ZNF423: variants seen among roughly 807,000 people sequenced by gnomAD.
ZNF423 encodes zinc finger protein 423, also known as Ebf-associated zinc finger protein.
A neutral mutation model predicts 95.8 loss-of-function variants in ZNF423; 12 were observed. The observed-to-expected ratio is 0.13, with a 90% CI of 0.08 to 0.20. The LOEUF (loss-of-function observed/expected upper bound fraction) is 0.20, where lower values mean the gene tolerates loss of function less well. Ranked by LOEUF, ZNF423 falls within the 10% of genes least tolerant of loss-of-function variation. The pLI is 1.00. For missense variants in ZNF423, 1,316 were observed against 1,737.1 expected, an observed-to-expected ratio of 0.76 and a Z score of 4.31; for synonymous variants, 749 against 711.9, an observed-to-expected ratio of 1.05 and a Z score of -0.83.
At chr16:49,780,778 C>A (rs2034199225) in intron 2 of ZNF423, among the ~76,000 whole-genome samples, 1 of 152,222 alleles carries the variant, frequency 6.6e-6, no homozygotes, top group African/African-American at 2.4e-5. Context: ...CCACAGGCTC[C>A]CCAGCCGAGC....
intron 2 of ZNF423, among the ~76,000 whole-genome samples, chr16:49,735,182 G>A (rs772097064): frequency 2.0e-5 from 3 of 152,110 alleles, no homozygotes; most frequent in Non-Finnish European, 4.4e-5. Flanking sequence ...AGCCTTGAAG[G>A]TCATCTTTCA....
intron 3 of ZNF423, among the ~76,000 whole-genome samples, chr16:49,647,626 A>G (rs1050417561): frequency 6.6e-6 from 1 of 152,300 alleles, no homozygotes; most frequent in African/African-American, 2.4e-5. Flanking sequence ...TTGAAGATGG[A>G]AGGAGGCCAT....
At chr16:49,772,075 G>A (rs1398686103) in intron 2 of ZNF423, among the ~76,000 whole-genome samples, 3 of 152,216 alleles carry the variant, frequency 2.0e-5, no homozygotes, top group African/African-American at 7.2e-5. Context: ...CCCACCCTGT[G>A]TCATCTGCAA....
chr16:49,515,445 T>C (rs967368184), intron 7 of ZNF423, among the ~76,000 whole-genome samples: 1 of 152,282 alleles, frequency 6.6e-6, no homozygotes, highest in African/African-American at 2.4e-5. Context: ...GGAGGGTTTC[T>C]GTTTGCCTTG....
intron 3 of ZNF423, among the ~76,000 whole-genome samples, chr16:49,663,662 C>T (rs1239595185): frequency 1.3e-5 from 2 of 152,160 alleles, no homozygotes; most frequent in Non-Finnish European, 2.9e-5. Context: ...GGCAGGCAAG[C>T]ACTTGAGTGC....
At chr16:49,809,465 T>C (rs2034717272) in intron 1 of ZNF423, among the ~76,000 whole-genome samples, 1 of 152,184 alleles carries the variant, frequency 6.6e-6, no homozygotes, top group East Asian at 1.9e-4. Context: ...AGAGAAGCCT[T>C]GTGTTCCACT....
In ZNF423 at chr16:49,850,232, A is replaced by G. The variant is rs1055446718; in HGVS notation, c.40+5503T>C. ...ACTCACTTCACCCTGCCTCTCCCAC[A>G]GTAGGCTGAGGGAGCTGACAGCCAG... On this transcript the variant is annotated intron_variant, in intron 1 of 7. Coordinates refer to ENST00000563137, the MANE Select transcript of ZNF423 (RefSeq NM_001379286.1). 1.4e-3 allele frequency among the ~76,000 whole-genome samples: 216 copies of G among 152,334 alleles called. 2 individuals are homozygous for G. Among genetic ancestry groups the G allele is most frequent in the Non-Finnish European group, 4.0e-4 (27 of 68,032 alleles).
intron 3 of ZNF423, among the ~76,000 whole-genome samples, chr16:49,643,112 C>T (rs912168267): frequency 1.3e-5 from 2 of 152,228 alleles, no homozygotes; most frequent in East Asian, 1.9e-4. Flanking sequence ...TGAGTCACTG[C>T]GCCTGGCCCA....
At chr16:49,510,426 G>C (rs1474241602) in intron 7 of ZNF423, among the ~76,000 whole-genome samples, 1 of 152,170 alleles carries the variant, frequency 6.6e-6, no homozygotes, top group Non-Finnish European at 1.5e-5. Flanking sequence ...ACCCTTCGCC[G>C]CAAAGCAGTA....
intron 2 of ZNF423, among the ~76,000 whole-genome samples, chr16:49,769,369 A>AAG (rs2033989695): frequency 1.2e-5 from 1 of 81,820 alleles, no homozygotes; most frequent in African/African-American, 7.4e-5. Context: ...AAAAAAAGAA[A>AAG]AAAAGAAAAG....
intron 1 of ZNF423, among the ~76,000 whole-genome samples, chr16:49,816,807 GT>G (rs1298049181): frequency 6.6e-6 from 1 of 152,024 alleles, no homozygotes. Flanking sequence ...ATTCCAAAGC[GT>G]TTATTGTAAA....
At chr16:49,619,497 G>C (rs1971985584) in intron 5 of ZNF423, among the ~76,000 whole-genome samples, 1 of 152,156 alleles carries the variant, frequency 6.6e-6, no homozygotes, top group Non-Finnish European at 1.5e-5. Flanking sequence ...TTCAAAGTCA[G>C]GGAAACCAAG....
At chr16:49,781,863 GACAC>G (rs1276382189) in intron 2 of ZNF423, among the ~76,000 whole-genome samples, 2 of 152,190 alleles carry the variant, frequency 1.3e-5, no homozygotes, top group African/African-American at 2.4e-5. Context: ...GAGGTCCCAG[GACAC>G]CAGCTACCCC....
chr16:49,643,197 G>A (rs1200214086), intron 3 of ZNF423, among the ~76,000 whole-genome samples: 1 of 152,076 alleles, frequency 6.6e-6, no homozygotes, highest in African/African-American at 2.4e-5. Flanking sequence ...CTGCAACTGT[G>A]GCCAAGGCAA....
chr16:49,537,816 G>A (rs531834161), intron 5 of ZNF423, among the ~76,000 whole-genome samples: 18 of 152,186 alleles, frequency 1.2e-4, no homozygotes, highest in Non-Finnish European at 2.5e-4. Context: ...AAATGAGGCC[G>A]ATGGGATGCC....
At position 49,837,473 on chromosome 16, in the gene ZNF423, G is replaced by T. The variant is rs569758140; in HGVS notation, c.40+18262C>A. On this transcript the variant is annotated intron_variant, in intron 1 of 7. Transcript: ENST00000563137. ...AACCTTAGGGGTCATTTAAGCACAAGGCCCCGGTGGCTTTCCCTGGGGACT... is the reference window on the plus strand; with the variant it reads ...AACCTTAGGGGTCATTTAAGCACAATGCCCCGGTGGCTTTCCCTGGGGACT... 1.2e-4 allele frequency among the ~76,000 whole-genome samples: 19 copies of T among 152,276 alleles called. No individual in the cohort carries two copies. The South Asian group carries it at 2.9e-3, about 23-fold the overall frequency.
At chr16:49,731,259 A>C in intron 2 of ZNF423, 2 of 958,112 alleles carry the variant, frequency 2.1e-6, no homozygotes, top group Non-Finnish European at 2.5e-6. Context: ...GAGGTGAAAA[A>C]CCTTATTTGT....
chr16:49,591,573 G>A (rs1405532201), intron 5 of ZNF423, among the ~76,000 whole-genome samples: 1 of 152,090 alleles, frequency 6.6e-6, no homozygotes, highest in Non-Finnish European at 1.5e-5. Flanking sequence ...AGCCAAGTGT[G>A]CAAAAATAGT....
intron 7 of ZNF423, among the ~76,000 whole-genome samples, chr16:49,497,790 C>A (rs1967222565): frequency 1.3e-5 from 2 of 152,218 alleles, no homozygotes; most frequent in African/African-American, 4.8e-5. Context: ...GAAGAAGTAG[C>A]CCTTGAGGCT....
Sources: gnomAD v4.1 joint callset for allele counts (sites outside exome capture counted in the v4.1 genomes callset) on GRCh38, gnomAD v4.1.1 for gene constraint, MANE v1.5 for transcripts, NCBI Gene and HGNC (gene_info 2026-07-23, HGNC 2026-07-21) for gene names.